Variants in SLC4A4 observed in about 807,000 individuals in gnomAD.
The protein encoded by SLC4A4 is electrogenic sodium bicarbonate cotransporter 1.
In SLC4A4, 27 loss-of-function variants were observed where a neutral mutation model predicts 111.5. That is an observed-to-expected ratio of 0.24 (90% CI 0.18 to 0.33). The LOEUF is 0.33. Ranked by LOEUF, SLC4A4 falls within the 10% of genes least tolerant of loss-of-function variation. The pLI is 1.00. For synonymous variants in SLC4A4, 443 were observed against 463.4 expected (o/e 0.96, Z 0.57); for missense variants, 909 against 1,315.5 (o/e 0.69, Z 4.78).
At position 71,497,601 on chromosome 4, in the gene SLC4A4, T is replaced by C. The variant is rs774328524; in HGVS notation, c.2075T>C (p.Ile692Thr). 3 of 1,613,700 alleles carry C rather than the reference T, an allele frequency of 1.9e-6. No individual in the cohort carries two copies. The highest frequency in any genetic ancestry group is 1.7e-6 in the Non-Finnish European group (2 of 1,179,732). The stretch of plus-strand genomic sequence containing the variant: ...AACAACTGTAATTTTGTTCCTGATA[T>C]CACACTCATGTCTTTTATCCTCTTC... The part of the protein sequence containing the change: ...VGNNCNFVPD[I>T]TLMSFILFLG... Residue 692 changes from isoleucine to threonine, a missense_variant, in exon 16 of 26, where the codon ATC becomes ACC. This residue lies in a region of SLC4A4 where 264 missense variants were observed against 356.8 expected (regional missense o/e 0.74). Transcript: ENST00000264485.
intron 2 of SLC4A4, among the ~76,000 whole-genome samples, chr4:71,130,737 G>A (rs1743679633): frequency 1.3e-5 from 2 of 152,106 alleles, no homozygotes; most frequent in South Asian, 2.1e-4. Context: ...GCTTCTCAAA[G>A]GCAAACCTCG....
intron 23 of SLC4A4, among the ~76,000 whole-genome samples, chr4:71,561,904 T>C (rs1439590519): frequency 6.6e-6 from 1 of 151,804 alleles, no homozygotes; most frequent in African/African-American, 2.4e-5. Flanking sequence ...TTAAAGTTCA[T>C]TACACATTAT....
chr4:71,491,999 A>C (rs769382330), intron 15 of SLC4A4, among the ~76,000 whole-genome samples: 1 of 151,440 alleles, frequency 6.6e-6, no homozygotes, highest in Non-Finnish European at 1.5e-5. Context: ...GCTGTTAATC[A>C]TGGGACTAAG....
chr4:71,454,406 C>G (rs933691177), intron 12 of SLC4A4, among the ~76,000 whole-genome samples: 1 of 152,154 alleles, frequency 6.6e-6, no homozygotes, highest in Non-Finnish European at 1.5e-5. Context: ...AGCTATTGTG[C>G]TAGGTGATGA....
intron 2 of SLC4A4, among the ~76,000 whole-genome samples, chr4:71,129,876 C>T (rs1028879007): frequency 5.3e-5 from 8 of 150,268 alleles, no homozygotes; most frequent in Non-Finnish European, 1.2e-4. Flanking sequence ...TAAACTAACA[C>T]AGGAACAGAA....
intron 4 of SLC4A4, among the ~76,000 whole-genome samples, chr4:71,349,272 C>T (rs539242891): frequency 6.6e-6 from 1 of 152,258 alleles, no homozygotes; most frequent in African/African-American, 2.4e-5. Context: ...TATTTAAACA[C>T]ACATGGAACC....
chr4:71,196,337 C>G (rs935285288), intron 1 of SLC4A4, among the ~76,000 whole-genome samples: 1 of 152,080 alleles, frequency 6.6e-6, no homozygotes, highest in Non-Finnish European at 1.5e-5. Flanking sequence ...AGGTTGAGCT[C>G]CTTTGCCAGG....
chr4:71,078,383 GTA>G (rs1342127792), intron 1 of SLC4A4, among the ~76,000 whole-genome samples: 1 of 152,112 alleles, frequency 6.6e-6, no homozygotes, highest in African/African-American at 2.4e-5. Context: ...ATTAGTAAGT[GTA>G]ATGAGTTGCT....
chr4:71,483,411 G>A (rs1049544349), intron 14 of SLC4A4, among the ~76,000 whole-genome samples: 21 of 151,844 alleles, frequency 1.4e-4, no homozygotes, highest in African/African-American at 4.6e-4. Context: ...ATTCATAAGT[G>A]AGAACATGCA....
intron 7 of SLC4A4, among the ~76,000 whole-genome samples, chr4:71,416,906 C>T (rs938511472): frequency 1.3e-5 from 2 of 152,112 alleles, no homozygotes; most frequent in African/African-American, 4.8e-5. Flanking sequence ...GGACTTTTAG[C>T]CACTTCAGCA....
intron 6 of SLC4A4, among the ~76,000 whole-genome samples, chr4:71,383,606 T>A (rs1169937038): frequency 1.3e-5 from 2 of 152,144 alleles, no homozygotes; most frequent in Non-Finnish European, 2.9e-5. Context: ...GTAAGGATCT[T>A]GAGTTCAGAG....
chr4:71,449,343 C>T (rs191532895), intron 9 of SLC4A4, among the ~76,000 whole-genome samples: 93 of 152,234 alleles, frequency 6.1e-4, no homozygotes, highest in African/African-American at 1.9e-3. Context: ...TTTCTTATAT[C>T]TTATTAGTTG....
chr4:71,250,888 G>T (rs1348335832), intron 2 of SLC4A4, among the ~76,000 whole-genome samples: 1 of 152,142 alleles, frequency 6.6e-6, no homozygotes, highest in Non-Finnish European at 1.5e-5. Context: ...AAGTTAAATG[G>T]TTATAATGTC....
intron 7 of SLC4A4, among the ~76,000 whole-genome samples, chr4:71,435,591 G>A (rs1226125753): frequency 1.3e-5 from 2 of 152,204 alleles, no homozygotes; most frequent in African/African-American, 4.8e-5. Flanking sequence ...CTTCTGCACA[G>A]CAAAATAAAC....
chr4:71,470,239 A>G (rs1727741107), intron 13 of SLC4A4, among the ~76,000 whole-genome samples: 1 of 152,022 alleles, frequency 6.6e-6, no homozygotes, highest in Non-Finnish European at 1.5e-5. Flanking sequence ...GGATGAAAAC[A>G]GTGGTGTTCC....
intron 18 of SLC4A4, among the ~76,000 whole-genome samples, chr4:71,543,454 G>A (rs6447035): frequency 0.72 from 110,185 of 152,000 alleles, 40,120 homozygotes; most frequent in Admixed American, 0.77. Context: ...TTATCTATCT[G>A]TAATTATTTT....
At position 71,499,664 on chromosome 4, in the gene SLC4A4, T is replaced by A. The variant is rs1161181895; in HGVS notation, c.2166+1972T>A. On this transcript the variant is annotated intron_variant, in intron 16 of 25. Transcript: ENST00000264485. ...TTTTAGGTTTCACGTGTAAGTGAGA[T>A]CATGTAGTATCTGTCTGTCTGTGCT... Among the ~76,000 whole-genome samples, 4 of 152,286 alleles carry A rather than the reference T, an allele frequency of 2.6e-5. No individual in the cohort carries two copies. In the East Asian group the frequency reaches 7.7e-4, roughly 29 times the overall value.
At chr4:71,429,442 C>T (rs951363946) in intron 7 of SLC4A4, among the ~76,000 whole-genome samples, 13 of 151,966 alleles carry the variant, frequency 8.6e-5, no homozygotes, top group African/African-American at 3.1e-4. Flanking sequence ...TAAGATAAAA[C>T]ATTTATAGCA....
At chr4:71,345,149 C>T (rs1003278052) in intron 4 of SLC4A4, among the ~76,000 whole-genome samples, 1 of 152,204 alleles carries the variant, frequency 6.6e-6, no homozygotes, top group Middle Eastern at 3.4e-3. Context: ...GTAGACTTAT[C>T]AGACCTGAAA....
Sources: allele counts gnomAD v4.1 joint callset (sites outside exome capture counted in the v4.1 genomes callset), GRCh38; gene constraint gnomAD v4.1.1; regional missense constraint gnomAD v4.1.1; transcripts MANE v1.5; gene names NCBI Gene and HGNC (gene_info 2026-07-23, HGNC 2026-07-21).